DAGLB: variants seen among roughly 807,000 people sequenced by gnomAD.
DAGLB encodes diacylglycerol lipase beta, also known as diacylglycerol lipase-beta.
DAGLB carries 66 observed loss-of-function variants against 72.1 expected under a neutral mutation model. The ratio of observed to expected loss-of-function variants is 0.92; its 90% CI spans 0.75 to 1.12. The LOEUF (loss-of-function observed/expected upper bound fraction) is 1.12. DAGLB is among the 50% of genes most tolerant of loss of function. DAGLB has a pLI of 0.00. For missense variants in DAGLB, 1,065 were observed against 884.9 expected, an observed-to-expected ratio of 1.20 and a Z score of -2.58; for synonymous variants, 414 against 359.5, an observed-to-expected ratio of 1.15 and a Z score of -1.71.
chr7:6,432,739 A>C (rs2115277506), intron 5 of DAGLB, 98 bp downstream of exon 5: 3 of 1,403,678 alleles, frequency 2.1e-6, no homozygotes, highest in Non-Finnish European at 2.8e-6. Flanking sequence ...GGAATGAAGG[A>C]AGGGAGGAAG....
At chr7:6,421,607 G>C in intron 9 of DAGLB, 120 bp downstream of exon 9, 1 of 630,628 alleles carries the variant, frequency 1.6e-6, no homozygotes, top group Non-Finnish European at 2.6e-6. Flanking sequence ...AGGCAGCGCG[G>C]GAGGCGCAGG....
In DAGLB at chr7:6,432,797, G is replaced by T. The variant is rs202195234; in HGVS notation, c.801+40C>A. ...TGATTCTGAAGACCCACCAAAAGGT[G>T]TAAGTGTCAGAACTGGACACTCCAT... On this transcript the variant is annotated intron_variant, in intron 5 of 14. Coordinates refer to ENST00000297056, the MANE Select transcript of DAGLB (RefSeq NM_139179.4). 176 of 1,596,444 alleles carry T rather than the reference G, an allele frequency of 1.1e-4. 1 individual carries two copies. In the South Asian group the frequency reaches 1.7e-3, roughly 15 times the overall value.
At chr7:6,420,886 G>C (rs1437080371) in intron 9 of DAGLB, among the ~76,000 whole-genome samples, 4 of 152,322 alleles carry the variant, frequency 2.6e-5, no homozygotes, top group Non-Finnish European at 5.9e-5. Context: ...TCTGCACAGA[G>C]AATATGTGAA....
chr7:6,433,796 G>A (rs1351365387), intron 4 of DAGLB, among the ~76,000 whole-genome samples: 1 of 150,876 alleles, frequency 6.6e-6, no homozygotes, highest in Non-Finnish European at 1.5e-5. Flanking sequence ...GGTGGAGGTT[G>A]TGCCAAGATG....
rs150032698 is a variant in DAGLB, at chr7:6,416,715, C to T, written c.1339G>A (p.Gly447Arg). Reference protein sequence around the residue: ...LVIVGHSLGGGAAALLATMLR... With the variant: ...LVIVGHSLGGRAAALLATMLR... Reference sequence around the variant, plus strand: ...ATGGTGGCCAGCAGGGCGGCCGCCCCGCCCCCGAGGCTGTGGCCCACTATG... The same window carrying T: ...ATGGTGGCCAGCAGGGCGGCCGCCCTGCCCCCGAGGCTGTGGCCCACTATG... The change falls in exon 11 of 15, where the codon GGG becomes AGG. Residue 447 changes from glycine (G) to arginine (R), a missense_variant. Coordinates refer to ENST00000297056, the MANE Select transcript of DAGLB (RefSeq NM_139179.4). The T allele has an allele frequency of 1.1e-5, 18 of 1,613,492 alleles. No individual in the cohort carries two copies. The highest frequency in any genetic ancestry group is 2.2e-5 in the South Asian group (2 of 91,040).
rs771003964 is a variant in DAGLB at position 6,410,242 on chromosome 7, A to G, written c.1708T>C (p.Ser570Pro). The G allele has an allele frequency of 1.2e-6, 2 of 1,612,826 alleles. No homozygotes were observed. The highest frequency in any genetic ancestry group is 1.7e-6 in the Non-Finnish European group (2 of 1,179,438). The change falls in exon 14 of 15, where the codon TCC becomes CCC. Residue 570 changes from serine (S) to proline (P), a missense_variant. Ser to Pro is a moderately conservative substitution (Grantham distance 74). Transcript: ENST00000297056. Reference protein sequence around the residue: ...LGEQSLLTRWSPAYSFSSDSP... With the variant: ...LGEQSLLTRWPPAYSFSSDSP... Reference sequence around the variant, plus strand: ...TCGCTGGAGAAGCTGTAGGCCGGGGACCAGCGCGTCAGTAGGCTCTGCTCC... The same window carrying G: ...TCGCTGGAGAAGCTGTAGGCCGGGGGCCAGCGCGTCAGTAGGCTCTGCTCC...
Position 6,447,789 on chromosome 7 carries a change from C to T in DAGLB, c.54G>A (p.Leu18=). 6.2e-7 allele frequency: 1 copy of T among 1,613,714 alleles called. No individual in the cohort carries two copies. The highest frequency in any genetic ancestry group is 8.5e-7 in the Non-Finnish European group (1 of 1,179,868). The part of the protein sequence containing the change: ...GRRWAIASDD[L]VFPGFFELVV... ...CCAGCTCGAAGAACCCTGGGAAGAC[C>T]AAGTCGTCGCTGGCGATGGCCCAGC... Residue 18 remains leucine (L), a synonymous_variant, in exon 1 of 15, where the codon TTG becomes TTA. Transcript: ENST00000297056.
In DAGLB at chr7:6,410,577, G is replaced by C. The variant is rs542837785; in HGVS notation, c.1570-197C>G. ...GGCTCAGGACAAGGCTCTATGCCTA[G>C]TCACAGATCATGAGTGTGGGCTCTC... On this transcript the variant is annotated intron_variant, in intron 13 of 14. Coordinates refer to ENST00000297056, the MANE Select transcript of DAGLB (RefSeq NM_139179.4). Among the ~76,000 whole-genome samples the C allele has an allele frequency of 1.5e-3, 222 of 152,324 alleles. 1 individual carries two copies. Among genetic ancestry groups the C allele is most frequent in the African/African-American group, 5.1e-3 (214 of 41,566 alleles).
chr7:6,446,911 G>T (rs1237884367), intron 1 of DAGLB, among the ~76,000 whole-genome samples: 1 of 152,104 alleles, frequency 6.6e-6, no homozygotes, highest in Non-Finnish European at 1.5e-5. Context: ...TTGGAAGAGT[G>T]AAGTGGGAAG....
At position 6,416,929 on chromosome 7, in the gene DAGLB, CACAG is replaced by C. The variant is rs751217370; in HGVS notation, c.1219-12_1219-9del. On this transcript the variant is annotated splice_polypyrimidine_tract_variant and intron_variant, in intron 9 of 14. Transcript: ENST00000297056. ...GGCAGCTTGAGAAATACCCTAAAAA[CACAG>C]ACAAAGAAGGTGGCCGTTAATCCTC... is the stretch of plus-strand genomic sequence containing the variant. 33 of 1,613,948 alleles carry C rather than the reference CACAG, an allele frequency of 2.0e-5. No homozygotes were observed. The highest frequency in any genetic ancestry group is 2.0e-4 in the East Asian group (9 of 44,902).
chr7:6,447,726 C>T, intron 1 of DAGLB, 22 bp downstream of exon 1: 3 of 1,607,364 alleles, frequency 1.9e-6, no homozygotes, highest in Non-Finnish European at 2.5e-6. Flanking sequence ...GGCTCCACCG[C>T]CCCCGTAGCC....
At chr7:6,430,718 T>C in intron 5 of DAGLB, 111 bp from the exon 6 acceptor site, 2 of 1,236,614 alleles carry the variant, frequency 1.6e-6, no homozygotes, top group Non-Finnish European at 1.1e-6. Flanking sequence ...TGCTCCTTCG[T>C]TGAATAGAAC....
chr7:6,439,311 A>C (rs945731660), intron 2 of DAGLB, among the ~76,000 whole-genome samples: 1 of 151,956 alleles, frequency 6.6e-6, no homozygotes, highest in Non-Finnish European at 1.5e-5. Context: ...ATTTTTCCTT[A>C]AGAAAAACAG....
chr7:6,410,243 C>T lies in DAGLB; in HGVS notation c.1707G>A (p.Trp569Ter). 4 of 1,612,846 alleles carry T rather than the reference C, an allele frequency of 2.5e-6. No homozygotes were observed. Among genetic ancestry groups the T allele is most frequent in the Non-Finnish European group, 3.4e-6 (4 of 1,179,458 alleles). Residue 569 changes from tryptophan (W) to a stop codon, truncating the protein, a stop_gained, in exon 14 of 15, where the codon TGG (tryptophan) becomes TGA (stop). Transcript: ENST00000297056. LOFTEE classifies it high-confidence loss of function. ...LLGEQSLLTR[W>*]SPAYSFSSDS... is the part of the protein sequence containing the mutation. ...CGCTGGAGAAGCTGTAGGCCGGGGA[C>T]CAGCGCGTCAGTAGGCTCTGCTCCC...
chr7:6,435,162 A>G, intron 3 of DAGLB, 142 bp from the exon 4 acceptor site: 1 of 1,290,834 alleles, frequency 7.7e-7, no homozygotes, highest in East Asian at 2.4e-5. Context: ...CTCTCCTGGA[A>G]CCTGCCTGAG....
intron 6 of DAGLB, 40 bp downstream of exon 6, chr7:6,430,439 AG>A: frequency 6.4e-6 from 9 of 1,417,036 alleles, no homozygotes; most frequent in Non-Finnish European, 8.4e-6. Flanking sequence ...TTTTTTTTTA[AG>A]GGAAATATGG....
rs531200394 is a variant in DAGLB, at chr7:6,418,840, A to G, written c.1219-1919T>C. Among the ~76,000 whole-genome samples, 3 of 150,832 alleles carry G rather than the reference A, an allele frequency of 2.0e-5. No homozygotes were observed. The East Asian group carries it at 5.9e-4, about 30-fold the overall frequency. On this transcript the variant is annotated intron_variant, in intron 9 of 14. Transcript: ENST00000297056. Reference sequence around the variant, plus strand: ...CCACCACGCCCGGCTAATTTTTTGTATTTTTAGTAGAGACGGGGTTTCACC... The same window carrying G: ...CCACCACGCCCGGCTAATTTTTTGTGTTTTTAGTAGAGACGGGGTTTCACC...
In DAGLB at chr7:6,446,051, G is replaced by C. The variant is rs1469047964; in HGVS notation, c.149C>G (p.Ala50Gly). 1.9e-6 allele frequency: 3 copies of C among 1,612,872 alleles called. No individual in the cohort carries two copies. The highest frequency in any genetic ancestry group is 2.2e-5 in the East Asian group (1 of 44,868). The part of the protein sequence containing the change: ...YLMHRGKLDC[A>G]GGALLSSYLI... Reference sequence around the variant, plus strand: ...GTAACTGCTGAGCAAGGCTCCACCAGCACAGTCCAGCTTTCCTCTGTGCAT... The same window carrying C: ...GTAACTGCTGAGCAAGGCTCCACCACCACAGTCCAGCTTTCCTCTGTGCAT... Residue 50 changes from alanine to glycine, a missense_variant, in exon 2 of 15, where the codon GCT becomes GGT. Coordinates refer to ENST00000297056, the MANE Select transcript of DAGLB (RefSeq NM_139179.4).
intron 4 of DAGLB, among the ~76,000 whole-genome samples, chr7:6,434,253 G>T (rs532285207): frequency 1.3e-5 from 2 of 151,436 alleles, no homozygotes; most frequent in Admixed American, 1.3e-4. Flanking sequence ...AAAAAAACAA[G>T]CATTTTCAAA....
Sources: allele counts gnomAD v4.1 joint callset (sites outside exome capture counted in the v4.1 genomes callset), GRCh38; gene constraint gnomAD v4.1.1; transcripts MANE v1.5; gene names NCBI Gene and HGNC (gene_info 2026-07-23, HGNC 2026-07-21).